Variants in SMPD3 observed in about 807,000 individuals in gnomAD.
SMPD3 encodes sphingomyelin phosphodiesterase 3, also known as nSMase-2.
SMPD3 carries 21 observed loss-of-function variants against 55.7 expected under a neutral mutation model. The ratio of observed to expected loss-of-function variants is 0.38; its 90% CI spans 0.27 to 0.54. SMPD3 has a LOEUF of 0.54. Ranked by LOEUF, SMPD3 falls within the 20% of genes least tolerant of loss-of-function variation. The pLI is 0.80. For synonymous variants in SMPD3, 457 were observed against 404.3 expected (o/e 1.13, Z -1.56); for missense variants, 842 against 899.6 (o/e 0.94, Z 0.82).
intron 1 of SMPD3, among the ~76,000 whole-genome samples, chr16:68,401,257 C>T (rs1567801113): frequency 6.6e-6 from 1 of 152,210 alleles, no homozygotes; most frequent in Non-Finnish European, 1.5e-5. Flanking sequence ...AGGGGAGGGG[C>T]ATGCCATATC....
chr16:68,446,484 TACACACACAC>T (rs3978672), intron 1 of SMPD3, among the ~76,000 whole-genome samples: 268 of 143,864 alleles, frequency 1.9e-3, no homozygotes, highest in Middle Eastern at 6.9e-3. Context: ...GTGGTTCATC[TACACACACAC>T]ACACACACAC....
chr16:68,387,625 C>T (rs981146220), intron 1 of SMPD3, among the ~76,000 whole-genome samples: 7 of 152,226 alleles, frequency 4.6e-5, no homozygotes, highest in Non-Finnish European at 8.8e-5. Context: ...CAGGCCCAGT[C>T]TCTGCTTTCA....
At chr16:68,374,572 G>A (rs1280455534) in intron 2 of SMPD3, among the ~76,000 whole-genome samples, 1 of 152,196 alleles carries the variant, frequency 6.6e-6, no homozygotes, top group Non-Finnish European at 1.5e-5. Flanking sequence ...GGGACTGGTG[G>A]GTGTCCAGGT....
At chr16:68,444,734 G>A (rs1047350141) in intron 1 of SMPD3, among the ~76,000 whole-genome samples, 1 of 152,230 alleles carries the variant, frequency 6.6e-6, no homozygotes, top group African/African-American at 2.4e-5. Context: ...GCCTGTAGGT[G>A]ATGTTAAGCA....
chr16:68,421,335 T>G (rs1386348335), intron 1 of SMPD3, among the ~76,000 whole-genome samples: 2 of 152,174 alleles, frequency 1.3e-5, no homozygotes, highest in Non-Finnish European at 2.9e-5. Context: ...TGGCAGAGAC[T>G]GTGTAACTCA....
intron 1 of SMPD3, among the ~76,000 whole-genome samples, chr16:68,402,630 G>A (rs1306574438): frequency 1.3e-5 from 2 of 149,954 alleles, no homozygotes; most frequent in African/African-American, 5.1e-5. Flanking sequence ...CTGACTGCCA[G>A]CCCCGATGAC....
chr16:68,387,000 G>A (rs2152001829), intron 1 of SMPD3, among the ~76,000 whole-genome samples: 1 of 152,288 alleles, frequency 6.6e-6, no homozygotes, highest in African/African-American at 2.4e-5. Context: ...GGGTGAAGGT[G>A]GAGGGTGGGG....
intron 7 of SMPD3, among the ~76,000 whole-genome samples, 154 bp downstream of exon 7, chr16:68,363,342 C>T (rs973033265): frequency 2.6e-5 from 4 of 152,310 alleles, no homozygotes; most frequent in African/African-American, 9.6e-5. Flanking sequence ...TCCCAGCTCT[C>T]AAAAGCTCTC....
intron 1 of SMPD3, among the ~76,000 whole-genome samples, chr16:68,446,896 G>A (rs1323005621): frequency 1.3e-5 from 2 of 152,216 alleles, no homozygotes; most frequent in East Asian, 1.9e-4. Flanking sequence ...TGCCTGGCTG[G>A]CCTTAGGGTA....
chr16:68,361,862 T>A, intron 7 of SMPD3, 103 bp from the exon 8 acceptor site: 1 of 677,190 alleles, frequency 1.5e-6, no homozygotes, highest in Non-Finnish European at 2.3e-6. Flanking sequence ...TGGGAGCGGG[T>A]GGGTGGGACC....
intron 1 of SMPD3, among the ~76,000 whole-genome samples, chr16:68,431,007 C>T (rs1317173646): frequency 6.6e-6 from 1 of 152,184 alleles, no homozygotes; most frequent in African/African-American, 2.4e-5. Context: ...AGTCCCTGTG[C>T]AGGGAGTGGG....
chr16:68,378,842 T>G (rs1199813924), intron 2 of SMPD3, among the ~76,000 whole-genome samples: 1 of 151,746 alleles, frequency 6.6e-6, no homozygotes, highest in African/African-American at 2.4e-5. Flanking sequence ...GTTAGGAACC[T>G]GAAGCTTCTG....
chr16:68,426,835 C>A (rs2090439751), intron 1 of SMPD3, among the ~76,000 whole-genome samples: 2 of 152,050 alleles, frequency 1.3e-5, no homozygotes, highest in East Asian at 3.9e-4. Flanking sequence ...TTGTGGAGTG[C>A]TTCTTTCTGC....
chr16:68,388,869 A>C (rs1387529585), intron 1 of SMPD3, among the ~76,000 whole-genome samples: 1 of 152,104 alleles, frequency 6.6e-6, no homozygotes, highest in African/African-American at 2.4e-5. Context: ...CTGTCCCCCT[A>C]TCCTTTCACG....
At chr16:68,427,095 C>G (rs1012491731) in intron 1 of SMPD3, among the ~76,000 whole-genome samples, 1 of 148,176 alleles carries the variant, frequency 6.7e-6, no homozygotes, top group African/African-American at 2.5e-5. Flanking sequence ...CTCCGGGGTT[C>G]GAGCGGTTCT....
At chr16:68,366,827 G>A (rs1029956725) in intron 3 of SMPD3, among the ~76,000 whole-genome samples, 12 of 152,144 alleles carry the variant, frequency 7.9e-5, no homozygotes, top group African/African-American at 2.2e-4. Context: ...GACCAACATG[G>A]TGAAACGCTG....
chr16:68,362,291 T>C (rs934772522), intron 7 of SMPD3, among the ~76,000 whole-genome samples: 5 of 152,206 alleles, frequency 3.3e-5, no homozygotes, highest in African/African-American at 1.2e-4. Flanking sequence ...GAATGGTTGC[T>C]GTGGGCCCCA....
intron 1 of SMPD3, among the ~76,000 whole-genome samples, chr16:68,407,190 G>A (rs2090261554): frequency 6.6e-6 from 1 of 152,194 alleles, no homozygotes. Context: ...TTGGCAAGAT[G>A]CATGGATTTA....
intron 2 of SMPD3, chr16:68,381,955 CAAT>C (rs2089960206): frequency 6.6e-6 from 1 of 152,194 alleles, no homozygotes; most frequent in Admixed American, 6.5e-5. Context: ...GATAATGAAA[CAAT>C]AATGATGTTC....
Sources: allele counts gnomAD v4.1 joint callset (sites outside exome capture counted in the v4.1 genomes callset), GRCh38; gene constraint gnomAD v4.1.1; transcripts MANE v1.5; gene names NCBI Gene and HGNC (gene_info 2026-07-23, HGNC 2026-07-21).